The following ZNF280D variants were observed in gnomAD, a reference collection of about 807,000 sequenced individuals.
ZNF280D encodes suppressor of hairy wing homolog 4.
A neutral mutation model predicts 94.7 loss-of-function variants in ZNF280D; 39 were observed. That is an observed-to-expected ratio of 0.41 (90% CI 0.32 to 0.54). ZNF280D has a LOEUF of 0.54. ZNF280D is among the 20% of genes least tolerant of loss of function. ZNF280D has a pLI of 0.22. For synonymous variants in ZNF280D, 398 were observed against 377.6 expected (o/e 1.05, Z -0.63); for missense variants, 1,090 against 1,149.3 (o/e 0.95, Z 0.75).
At chr15:56,712,854 C>A (rs1045299421) in intron 1 of ZNF280D, among the ~76,000 whole-genome samples, 1 of 150,976 alleles carries the variant, frequency 6.6e-6, no homozygotes, top group Non-Finnish European at 1.5e-5. Context: ...GATTCTCCTG[C>A]CTCAGCCTCC....
chr15:56,669,656 A>G (rs2054540777), intron 13 of ZNF280D, among the ~76,000 whole-genome samples: 1 of 147,836 alleles, frequency 6.8e-6, no homozygotes, highest in Non-Finnish European at 1.5e-5. Context: ...AGAGGCATAA[A>G]ACAGAACAAC....
At chr15:56,674,221 A>G (rs1279105963) in intron 13 of ZNF280D, among the ~76,000 whole-genome samples, 1 of 152,094 alleles carries the variant, frequency 6.6e-6, no homozygotes, top group Non-Finnish European at 1.5e-5. Flanking sequence ...TTTTCATTCA[A>G]TGAACATTTG....
intron 20 of ZNF280D, among the ~76,000 whole-genome samples, chr15:56,642,268 G>A (rs1052378700): frequency 6.6e-6 from 1 of 151,734 alleles, no homozygotes; most frequent in East Asian, 1.9e-4. Context: ...AAGCTGCTTG[G>A]AAGAAGGCTG....
intron 1 of ZNF280D, chr15:56,729,934 G>C (rs1264449018): frequency 2.0e-5 from 3 of 152,120 alleles, no homozygotes; most frequent in East Asian, 3.8e-4. Flanking sequence ...GCATGAAATA[G>C]ATTTTTTATT....
chr15:56,655,455 C>T lies in ZNF280D; in HGVS notation c.2058-952G>A, dbSNP rs1347001004. Reference sequence around the variant, plus strand: ...ACTCCTGACCTTGTGATCAGCCCCACCTCGGCCTCCCAGTGCTGGGATTAC... The same window carrying T: ...ACTCCTGACCTTGTGATCAGCCCCATCTCGGCCTCCCAGTGCTGGGATTAC... On this transcript the variant is annotated intron_variant, in intron 17 of 21. Transcript: ENST00000267807. Among the ~76,000 whole-genome samples the T allele has an allele frequency of 2.6e-5, 4 of 151,900 alleles. No homozygotes were observed. The South Asian group carries it at 8.3e-4, about 32-fold the overall frequency.
At chr15:56,684,507 A>G (rs555929748) in intron 9 of ZNF280D, among the ~76,000 whole-genome samples, 1 of 152,272 alleles carries the variant, frequency 6.6e-6, no homozygotes, top group Non-Finnish European at 1.5e-5. Flanking sequence ...GAAAAAAAAG[A>G]GTGGCAAAAT....
intron 4 of ZNF280D, among the ~76,000 whole-genome samples, chr15:56,703,673 G>A (rs2057226397): frequency 6.6e-6 from 1 of 151,966 alleles, no homozygotes; most frequent in South Asian, 2.1e-4. Flanking sequence ...GGGCAGCATG[G>A]TGAGACCCTG....
chr15:56,636,081 A>T (rs1267520773), intron 20 of ZNF280D, among the ~76,000 whole-genome samples: 1 of 152,198 alleles, frequency 6.6e-6, no homozygotes, highest in African/African-American at 2.4e-5. Context: ...TTAATCACAC[A>T]CACTTATCTA....
intron 9 of ZNF280D, among the ~76,000 whole-genome samples, chr15:56,685,317 C>G (rs922001225): frequency 1.4e-5 from 2 of 147,830 alleles, no homozygotes; most frequent in Admixed American, 1.5e-4. Flanking sequence ...AGAAAAAGAT[C>G]AAAACAAATA....
chr15:56,723,183 C>T (rs1186455174), intron 1 of ZNF280D, among the ~76,000 whole-genome samples: 2 of 151,810 alleles, frequency 1.3e-5, no homozygotes, highest in Admixed American at 6.6e-5. Flanking sequence ...ACGTATGTAA[C>T]TAACCTGCAC....
chr15:56,701,631 C>G (rs117765456), intron 4 of ZNF280D, among the ~76,000 whole-genome samples: 3,734 of 152,198 alleles, frequency 0.025, 64 homozygotes, highest in Non-Finnish European at 0.038. Flanking sequence ...TGCATGATGA[C>G]AGGGCTGTTA....
rs748530072 is a variant in ZNF280D, at chr15:56,631,466, C to T, written c.*32G>A. 3 of 1,600,074 alleles carry T rather than the reference C, an allele frequency of 1.9e-6. No individual in the cohort carries two copies. Among genetic ancestry groups the T allele is most frequent in the Non-Finnish European group, 1.7e-6 (2 of 1,171,520 alleles). On this transcript the variant is annotated 3_prime_UTR_variant, in exon 22 of 22. Transcript: ENST00000267807. The stretch of plus-strand genomic sequence containing the variant: ...ATAGCACTGTTCCAAATGCCCTTAT[C>T]GTTGGTACACTGAAACTTAAAATGA...
chr15:56,636,974 G>C (rs1260224145), intron 20 of ZNF280D, among the ~76,000 whole-genome samples: 1 of 152,046 alleles, frequency 6.6e-6, no homozygotes, highest in Non-Finnish European at 1.5e-5. Context: ...ACCAGGAAAA[G>C]TAAAAGGCAG....
At chr15:56,677,721 T>C (rs1460070933) in intron 11 of ZNF280D, 47 bp from the exon 12 acceptor site, 2 of 783,732 alleles carry the variant, frequency 2.6e-6, no homozygotes, top group Admixed American at 3.9e-5. Context: ...GATATTAATA[T>C]AAAAATTAAT....
At position 56,693,116 on chromosome 15, in the gene ZNF280D, G is replaced by C. The variant is rs763598000; in HGVS notation, c.481C>G (p.Pro161Ala). 2 of 1,602,480 alleles carry C rather than the reference G, an allele frequency of 1.2e-6. No homozygotes were observed. The highest frequency in any genetic ancestry group is 1.7e-6 in the Non-Finnish European group (2 of 1,173,954). The part of the protein sequence containing the change: ...DTGLSHYQGG[P>A]TLSMAGMSES... ...AACCAACCTGCCATAGAAAGTGTTG[G>C]TCCCCCTTGGTAATGTGATAATCCT... Residue 161 changes from proline to alanine, a missense_variant, in exon 7 of 22, where the codon CCA (proline) becomes GCA (alanine). By Grantham distance (27) the Pro-to-Ala change is conservative (BLOSUM62 -1). This residue lies in a region of ZNF280D where 386 missense variants were observed against 372.0 expected (regional missense o/e 1.04). Coordinates refer to ENST00000267807, the MANE Select transcript of ZNF280D (RefSeq NM_017661.4).
At chr15:56,663,009 A>C (rs1231947633) in intron 16 of ZNF280D, among the ~76,000 whole-genome samples, 2 of 151,824 alleles carry the variant, frequency 1.3e-5, no homozygotes, top group Non-Finnish European at 2.9e-5. Context: ...GGCCAGGTGC[A>C]GAGGGGGTGC....
chr15:56,715,033 G>A (rs1337327654), intron 1 of ZNF280D, among the ~76,000 whole-genome samples: 13 of 152,014 alleles, frequency 8.6e-5, no homozygotes, highest in African/African-American at 2.9e-4. Flanking sequence ...TACAGCAGAG[G>A]TTCTTGATAA....
At chr15:56,688,939 T>C (rs184323115) in intron 9 of ZNF280D, 102 bp downstream of exon 9, 2 of 625,636 alleles carry the variant, frequency 3.2e-6, no homozygotes, top group South Asian at 3.3e-5. Context: ...TAAATGGAAA[T>C]ACCAATGAGA....
At chr15:56,667,412 A>G (rs1010033741) in intron 14 of ZNF280D, among the ~76,000 whole-genome samples, 1 of 152,184 alleles carries the variant, frequency 6.6e-6, no homozygotes. Context: ...ACAGATCTAC[A>G]GTAAATGTGA....
Sources: gnomAD v4.1 joint callset for allele counts (sites outside exome capture counted in the v4.1 genomes callset) on GRCh38, gnomAD v4.1.1 for gene constraint, gnomAD v4.1.1 regional missense constraint, MANE v1.5 for transcripts, NCBI Gene and HGNC (gene_info 2026-07-23, HGNC 2026-07-21) for gene names.